Variants in PSG5 observed in about 807,000 individuals in gnomAD.
The protein encoded by PSG5 is pregnancy specific beta-1-glycoprotein 5, also known as pregnancy-specific beta-1-glycoprotein 5.
PSG5 carries 53 observed loss-of-function variants against 37.7 expected under a neutral mutation model. The ratio of observed to expected loss-of-function variants is 1.41; its 90% confidence interval spans 1.13 to 1.77. PSG5 has a LOEUF of 1.77. PSG5 is among the 40% of genes most tolerant of loss of function. PSG5 has a pLI of 0.00. For missense variants in PSG5, 547 were observed against 405.2 expected (o/e 1.35, Z -3.00); for synonymous variants, 221 against 155.4 (o/e 1.42, Z -3.14).
intron 4 of PSG5, among the ~76,000 whole-genome samples, chr19:43,172,157 G>C (rs1210339098): frequency 4.0e-5 from 6 of 151,502 alleles, no homozygotes; most frequent in Non-Finnish European, 1.5e-5. Flanking sequence ...ACTATAATCA[G>C]TAATAAGATT....
At chr19:43,175,073 G>A in intron 4 of PSG5, 142 bp downstream of exon 4, 1 of 1,570,078 alleles carries the variant, frequency 6.4e-7, no homozygotes, top group Non-Finnish European at 8.6e-7. Context: ...AGACAAATTG[G>A]AAGGGTTCAG....
intron 2 of PSG5, among the ~76,000 whole-genome samples, chr19:43,178,538 C>A (rs553767546): frequency 6.6e-6 from 1 of 151,638 alleles, no homozygotes; most frequent in East Asian, 1.9e-4. Flanking sequence ...AAATCCTGGT[C>A]TGTGGAAGGG....
chr19:43,175,457 A>C lies in PSG5; in HGVS notation c.722T>G (p.Leu241Arg), dbSNP rs1968988369. 6.2e-7 allele frequency: 1 copy of C among 1,608,976 alleles called. No individual in the cohort carries two copies. The highest frequency in any genetic ancestry group is 8.5e-7 in the Non-Finnish European group (1 of 1,177,266). The change falls in exon 4 of 6, where the codon CTC becomes CGC. Residue 241 changes from leucine to arginine, a missense_variant. Transcript: ENST00000342951. ...VTLNVLYGPD[L>R]PSIYPSFTYY... ...GGTGAATGAAGGGTAAATGCTGGGG[A>C]GGTCTGGACCATCTGGAGCAAAGAG...
At chr19:43,178,813 G>A in intron 2 of PSG5, 2 of 1,610,620 alleles carry the variant, frequency 1.2e-6, no homozygotes, top group East Asian at 2.2e-5. Flanking sequence ...GGACTGAGAG[G>A]CCTGGCCTCT....
intron 1 of PSG5, among the ~76,000 whole-genome samples, 190 bp downstream of exon 1, chr19:43,186,152 A>G (rs1211329424): frequency 6.6e-6 from 1 of 150,802 alleles, no homozygotes; most frequent in Non-Finnish European, 1.5e-5. Context: ...AATTTTTTGT[A>G]TTTTTAGTAG....
chr19:43,185,254 A>G (rs1315867241), intron 1 of PSG5, 107 bp from the exon 2 acceptor site: 1 of 1,341,230 alleles, frequency 7.5e-7, no homozygotes, highest in Non-Finnish European at 1.0e-6. Context: ...CCTTGAAGAC[A>G]CACACACACA....
In PSG5 at chr19:43,185,679, G is replaced by A. The variant is rs536961649; in HGVS notation, c.65-532C>T. On this transcript the variant is annotated intron_variant, in intron 1 of 5. Coordinates refer to ENST00000342951, the MANE Select transcript of PSG5 (RefSeq NM_002781.4). ...GATCTTGGTTGCACCCCAGTGCCTGGAACAGGCTGCAGACTCCTGCAGATG... is the reference window on the plus strand; with the variant it reads ...GATCTTGGTTGCACCCCAGTGCCTGAAACAGGCTGCAGACTCCTGCAGATG... Among the ~76,000 whole-genome samples, 754 of 151,728 alleles carry A rather than the reference G, an allele frequency of 5.0e-3. 9 individuals are homozygous for A. Among genetic ancestry groups the A allele is most frequent in the Middle Eastern group, 0.024 (7 of 294 alleles).
chr19:43,183,017 G>A (rs1271917904), intron 2 of PSG5, among the ~76,000 whole-genome samples: 12 of 150,956 alleles, frequency 7.9e-5, no homozygotes, highest in Admixed American at 6.6e-5. Context: ...GGAGTGTCTG[G>A]GGAAGGCCTA....
At chr19:43,180,561 T>C (rs2122230524) in intron 2 of PSG5, 1 of 151,640 alleles carries the variant, frequency 6.6e-6, no homozygotes, top group African/African-American at 2.4e-5. Context: ...CCATAAAAAG[T>C]TGTCAGGAGT....
chr19:43,173,812 T>C (rs1968950527), intron 4 of PSG5, among the ~76,000 whole-genome samples: 1 of 151,548 alleles, frequency 6.6e-6, no homozygotes, highest in East Asian at 1.9e-4. Context: ...GTGTGGCTGT[T>C]TCTCAAAAAA....
intron 2 of PSG5, 57 bp from the exon 3 acceptor site, chr19:43,176,205 G>A: frequency 1.3e-6 from 2 of 1,588,432 alleles, no homozygotes; most frequent in East Asian, 2.2e-5. Context: ...TCCTCCACAG[G>A]CATCCTTCAA....
intron 4 of PSG5, chr19:43,170,343 C>A: frequency 1.6e-6 from 1 of 641,846 alleles, no homozygotes; most frequent in East Asian, 5.2e-5. Flanking sequence ...GTGATCAGTC[C>A]TCTGTCAAAT....
intron 4 of PSG5, among the ~76,000 whole-genome samples, chr19:43,171,691 T>C (rs1293103103): frequency 2.0e-5 from 3 of 151,632 alleles, no homozygotes; most frequent in Admixed American, 2.0e-4. Context: ...AAATGGACTC[T>C]GAGCATGGTG....
At chr19:43,178,881 A>AGG in intron 2 of PSG5, 1 of 1,612,852 alleles carries the variant, frequency 6.2e-7, no homozygotes, top group Non-Finnish European at 8.5e-7. Flanking sequence ...ATACTCACGG[A>AGG]GGAGATTCAG....
In PSG5 at chr19:43,175,589, C is replaced by T. The variant is rs1968991525; in HGVS notation, c.710-120G>A. 3 of 1,464,666 alleles carry T rather than the reference C, an allele frequency of 2.0e-6. 1 individual carries two copies. Among genetic ancestry groups the T allele is most frequent in the Non-Finnish European group, 2.8e-6 (3 of 1,089,998 alleles). The allele number at this position is 1,464,666 out of a possible 1,614,324, so 90.7% of individuals were successfully genotyped here. On this transcript the variant is annotated intron_variant, in intron 3 of 5. Transcript: ENST00000342951. ...ACACACCCTCAAGTCCCAGCCGAAC[C>T]CCCACTATATTCACTGAGCCAAAGC...
intron 2 of PSG5, chr19:43,180,209 A>C (rs1969098595): frequency 6.6e-6 from 1 of 151,596 alleles, no homozygotes; most frequent in Non-Finnish European, 1.5e-5. Flanking sequence ...GGATCAGGGG[A>C]ATAGGGTGTT....
At chr19:43,170,298 G>GTTT in intron 4 of PSG5, 160 bp from the exon 5 acceptor site, 4 of 673,378 alleles carry the variant, frequency 5.9e-6, no homozygotes, top group East Asian at 5.0e-5. Context: ...TATTCTTGCA[G>GTTT]TTTTTTTTTT....
chr19:43,179,460 A>C (rs1264897082), intron 2 of PSG5, among the ~76,000 whole-genome samples: 1 of 151,644 alleles, frequency 6.6e-6, no homozygotes, highest in Non-Finnish European at 1.5e-5. Flanking sequence ...TCCTCCGACT[A>C]AAACTGCCTG....
chr19:43,170,621 A>T, intron 4 of PSG5: 1 of 291,558 alleles, frequency 3.4e-6, no homozygotes, highest in Non-Finnish European at 7.2e-6. Flanking sequence ...AAGGGCGTGA[A>T]AGCAAGCCTA....
Sources: allele counts gnomAD v4.1 joint callset (sites outside exome capture counted in the v4.1 genomes callset), GRCh38; gene constraint gnomAD v4.1.1; transcripts MANE v1.5; gene names NCBI Gene and HGNC (gene_info 2026-07-23, HGNC 2026-07-21).